RTN4: variants seen among roughly 807,000 people sequenced by gnomAD.
RTN4 encodes reticulon-4.
RTN4 carries 32 observed loss-of-function variants against 90.4 expected under a neutral mutation model. The ratio of observed to expected loss-of-function variants is 0.35; its 90% CI spans 0.27 to 0.48. The LOEUF is 0.48. Among genes scored for constraint, RTN4 ranks in the 20% least tolerant of loss-of-function variants. The probability of loss-of-function intolerance (pLI) is 0.99; values close to 1 mark genes in which losing one functional copy is unlikely to be tolerated. For missense variants in RTN4, 1,706 were observed against 1,430.2 expected (o/e 1.19, Z -3.11); for synonymous variants, 629 against 552.5 (o/e 1.14, Z -1.94).
At chr2:55,057,629 T>C (rs1291766767) in intron 2 of RTN4, among the ~76,000 whole-genome samples, 7 of 152,146 alleles carry the variant, frequency 4.6e-5, no homozygotes, top group African/African-American at 1.7e-4. Flanking sequence ...AAGAACTTGA[T>C]TGAGCAAACT....
chr2:55,118,634 A>G, the RTN4 span, among the ~76,000 whole-genome samples: 1 of 152,236 alleles, frequency 6.6e-6, no homozygotes, highest in Non-Finnish European at 1.5e-5. Context: ...TCTCAACTTT[A>G]TCAATTATCT....
intron 1 of RTN4, among the ~76,000 whole-genome samples, chr2:55,104,862 A>C (rs1196079526): frequency 6.6e-6 from 1 of 152,064 alleles, no homozygotes; most frequent in Non-Finnish European, 1.5e-5. Flanking sequence ...GCTGGAGTGC[A>C]GTGGTGCGAT....
At chr2:55,039,539 G>A (rs1351443782) in intron 1 of RTN4, among the ~76,000 whole-genome samples, 1 of 152,190 alleles carries the variant, frequency 6.6e-6, no homozygotes, top group Non-Finnish European at 1.5e-5. Context: ...CAGCACTTTG[G>A]GGGGCCGAGG....
intron 2 of RTN4, among the ~76,000 whole-genome samples, chr2:55,078,018 G>A (rs1668634788): frequency 6.6e-6 from 1 of 150,522 alleles, no homozygotes; most frequent in Non-Finnish European, 1.5e-5. Flanking sequence ...GGACTCAGGG[G>A]ATTCAGGGGA....
intron 4 of RTN4, among the ~76,000 whole-genome samples, chr2:54,987,139 C>A (rs192896042): frequency 6.2e-4 from 95 of 152,060 alleles, no homozygotes; most frequent in African/African-American, 2.2e-3. Context: ...TCAGAAAGCA[C>A]GTTATCAGAC....
At chr2:55,034,114 T>C (rs1445931425) in intron 1 of RTN4, among the ~76,000 whole-genome samples, 2 of 152,166 alleles carry the variant, frequency 1.3e-5, no homozygotes, top group Non-Finnish European at 2.9e-5. Context: ...CTAAGAACAA[T>C]GATTCAGTAT....
chr2:55,015,565 T>A (rs1680970826), intron 3 of RTN4, among the ~76,000 whole-genome samples: 1 of 152,086 alleles, frequency 6.6e-6, no homozygotes, highest in Admixed American at 6.6e-5. Flanking sequence ...GCAAAGAGTA[T>A]GAACAAGCAA....
At chr2:55,061,715 G>C (rs1668296965) in intron 2 of RTN4, among the ~76,000 whole-genome samples, 1 of 152,168 alleles carries the variant, frequency 6.6e-6, no homozygotes, top group African/African-American at 2.4e-5. Context: ...CTGTAAAGCT[G>C]AAATTATGTT....
chr2:54,992,090 T>C (rs1212844807), intron 3 of RTN4, among the ~76,000 whole-genome samples: 1 of 152,090 alleles, frequency 6.6e-6, no homozygotes, highest in Non-Finnish European at 1.5e-5. Context: ...ATTCCAGCAC[T>C]TTGGGAGGCC....
intron 3 of RTN4, among the ~76,000 whole-genome samples, chr2:54,993,448 C>T (rs17046570): frequency 0.27 from 41,102 of 152,044 alleles, 5,955 homozygotes; most frequent in Non-Finnish European, 0.33. Flanking sequence ...TGGTGTTCTG[C>T]GTTGAATCAA....
Position 55,026,948 on chromosome 2 carries a change from T to A in RTN4, c.1151A>T (p.Tyr384Phe). 6.2e-7 allele frequency: 1 copy of A among 1,613,584 alleles called. No homozygotes were observed. The stretch of plus-strand genomic sequence containing the variant: ...TCGCTCAAATGGTTTGAAGTCTGCA[T>A]ATTCCTCCCTCATAGGAGCTTCCAC... ...VAVEAPMREE[Y>F]ADFKPFERVW... The change falls in exon 3 of 9, where the codon TAT becomes TTT. Residue 384 changes from tyrosine (Y) to phenylalanine (F), a missense_variant. Physicochemically the swap from Tyr to Phe is conservative, Grantham distance 22. Coordinates refer to ENST00000337526, the MANE Select transcript of RTN4 (RefSeq NM_020532.5).
chr2:55,065,469 A>G (rs1668372784), intron 2 of RTN4, among the ~76,000 whole-genome samples: 2 of 152,204 alleles, frequency 1.3e-5, no homozygotes, highest in Admixed American at 6.5e-5. Flanking sequence ...AAAGACATGT[A>G]AAAGTGCTCA....
chr2:55,081,065 C>G (rs576297154), intron 1 of RTN4, among the ~76,000 whole-genome samples: 29 of 151,760 alleles, frequency 1.9e-4, no homozygotes, highest in African/African-American at 6.5e-4. Flanking sequence ...TTCTTTCATT[C>G]TTTCATTCTT....
chr2:55,062,039 G>GAGCACGTCAAC (rs1395705863), intron 2 of RTN4, among the ~76,000 whole-genome samples: 1 of 152,058 alleles, frequency 6.6e-6, no homozygotes. Flanking sequence ...AGCACGTCAA[G>GAGCACGTCAAC]AGCACACGGA....
chr2:54,987,706 T>C lies in RTN4; in HGVS notation c.3014-8A>G, dbSNP rs1367086693. ...AGTACAGGAGGTCAACAACTAAAAA[T>C]TGAAAAAGAAATCTGAAATTAGAAT... On this transcript the variant is annotated splice_polypyrimidine_tract_variant and splice_region_variant and intron_variant, in intron 3 of 8. Coordinates refer to ENST00000337526, the MANE Select transcript of RTN4 (RefSeq NM_020532.5). The C allele has an allele frequency of 1.9e-6, 3 of 1,600,788 alleles. No individual in the cohort carries two copies. Among genetic ancestry groups the C allele is most frequent in the Non-Finnish European group, 8.5e-7 (1 of 1,171,320 alleles).
chr2:55,095,854 T>C (rs1324182991), intron 1 of RTN4, among the ~76,000 whole-genome samples: 3 of 152,192 alleles, frequency 2.0e-5, no homozygotes, highest in African/African-American at 4.8e-5. Context: ...GCTCTAACAG[T>C]TTCCTAGACT....
At chr2:55,016,313 T>C (rs1681032374) in intron 3 of RTN4, among the ~76,000 whole-genome samples, 1 of 152,210 alleles carries the variant, frequency 6.6e-6, no homozygotes. Flanking sequence ...CCAGGTGCGC[T>C]GGTTCATGCC....
intron 1 of RTN4, among the ~76,000 whole-genome samples, chr2:55,048,586 G>A (rs780085249): frequency 6.6e-6 from 1 of 151,876 alleles, no homozygotes. Context: ...GTCGCTAGGC[G>A]GCAGGAATTT....
chr2:55,116,265 C>T (rs1035373636), upstream of RTN4, among the ~76,000 whole-genome samples: 2 of 151,972 alleles, frequency 1.3e-5, no homozygotes, highest in Non-Finnish European at 2.9e-5. Flanking sequence ...CCTGGACCAG[C>T]AGCTGATAAG....
Sources: gnomAD v4.1 joint callset for allele counts (sites outside exome capture counted in the v4.1 genomes callset) on GRCh38, gnomAD v4.1.1 for gene constraint, MANE v1.5 for transcripts, NCBI Gene and HGNC (gene_info 2026-07-23, HGNC 2026-07-21) for gene names.